The following FARS2 variants were observed in gnomAD, a reference collection of about 807,000 sequenced individuals.
FARS2 encodes the protein phenylalanine--tRNA ligase, mitochondrial.
A neutral mutation model predicts 46.4 loss-of-function variants in FARS2; 40 were observed. The observed-to-expected ratio is 0.86, with a 90% CI of 0.67 to 1.12. The LOEUF (loss-of-function observed/expected upper bound fraction) is 1.12. Ranked by LOEUF, FARS2 falls within the 50% of genes most tolerant of loss-of-function variation. FARS2 has a pLI of 0.00. For synonymous variants in FARS2, 234 were observed against 214.9 expected (o/e 1.09, Z -0.78); for missense variants, 513 against 567.9 (o/e 0.90, Z 0.98).
At chr6:5,303,418 A>C (rs1007444366) in intron 1 of FARS2, among the ~76,000 whole-genome samples, 1 of 152,166 alleles carries the variant, frequency 6.6e-6, no homozygotes, top group African/African-American at 2.4e-5. Flanking sequence ...CGTGGGGCTA[A>C]ATGGCCCCAA....
chr6:5,543,260 G>A (rs1027342928), intron 4 of FARS2, among the ~76,000 whole-genome samples: 1 of 151,970 alleles, frequency 6.6e-6, no homozygotes, highest in Admixed American at 6.6e-5. Flanking sequence ...TTATAATGAA[G>A]CCTTTTCCCT....
At chr6:5,674,031 C>G (rs1778621976) in intron 6 of FARS2, among the ~76,000 whole-genome samples, 1 of 151,792 alleles carries the variant, frequency 6.6e-6, no homozygotes, top group South Asian at 2.1e-4. Flanking sequence ...CAACCAAATA[C>G]TAGCCAAAAT....
intron 4 of FARS2, among the ~76,000 whole-genome samples, chr6:5,538,881 A>G (rs766915379): frequency 6.6e-6 from 1 of 152,154 alleles, no homozygotes; most frequent in African/African-American, 2.4e-5. Flanking sequence ...TTTTATTAGG[A>G]TGATTATGCG....
chr6:5,357,014 G>A (rs944419899), intron 1 of FARS2, among the ~76,000 whole-genome samples: 5 of 151,674 alleles, frequency 3.3e-5, no homozygotes, highest in African/African-American at 7.3e-5. Flanking sequence ...ATGGAACTCC[G>A]ATATGTAGGC....
At chr6:5,732,457 G>C (rs1294627190) in intron 6 of FARS2, among the ~76,000 whole-genome samples, 1 of 152,172 alleles carries the variant, frequency 6.6e-6, no homozygotes, top group Admixed American at 6.5e-5. Context: ...CATCTCTGTA[G>C]CTCCTCTCCC....
chr6:5,631,456 T>A (rs1022102785), intron 6 of FARS2, among the ~76,000 whole-genome samples: 2 of 152,188 alleles, frequency 1.3e-5, no homozygotes, highest in African/African-American at 2.4e-5. Context: ...TAATAGTTAA[T>A]AGAAAAACAA....
intron 3 of FARS2, among the ~76,000 whole-genome samples, chr6:5,408,870 G>T (rs1761771131): frequency 6.6e-6 from 1 of 152,140 alleles, no homozygotes; most frequent in Admixed American, 6.6e-5. Flanking sequence ...AGCCTTATTG[G>T]TGCTGATGGT....
intron 6 of FARS2, among the ~76,000 whole-genome samples, chr6:5,614,987 A>G (rs1337174764): frequency 6.6e-6 from 1 of 152,204 alleles, no homozygotes; most frequent in Non-Finnish European, 1.5e-5. Context: ...TTAATTTCAT[A>G]TAAAGAAATC....
chr6:5,261,758 G>A (rs1322292300), intron 1 of FARS2, 98 bp downstream of exon 1: 1 of 152,316 alleles, frequency 6.6e-6, no homozygotes, highest in Non-Finnish European at 1.5e-5. Context: ...TTCCGGATGT[G>A]TTTTTGCTTT....
chr6:5,264,698 C>T (rs904969008), intron 1 of FARS2, among the ~76,000 whole-genome samples: 4 of 151,896 alleles, frequency 2.6e-5, no homozygotes, highest in Non-Finnish European at 2.9e-5. Flanking sequence ...TGAGCCACCG[C>T]GCCCGGCCCA....
At chr6:5,528,004 G>A (rs1769576433) in intron 4 of FARS2, among the ~76,000 whole-genome samples, 1 of 152,172 alleles carries the variant, frequency 6.6e-6, no homozygotes, top group East Asian at 1.9e-4. Flanking sequence ...TAGATCATAT[G>A]CAAGTCAGTA....
intron 4 of FARS2, among the ~76,000 whole-genome samples, chr6:5,475,272 G>C (rs1319746774): frequency 1.3e-5 from 2 of 152,202 alleles, no homozygotes; most frequent in Non-Finnish European, 2.9e-5. Context: ...GGATATGCAG[G>C]CTTGAAGAGA....
chr6:5,610,192 TAG>T, intron 5 of FARS2: 1 of 721,022 alleles, frequency 1.4e-6, no homozygotes, highest in Non-Finnish European at 2.4e-6. Context: ...GACTCTGACT[TAG>T]ACAGGACGGC....
chr6:5,439,765 C>A (rs574131796), intron 4 of FARS2, among the ~76,000 whole-genome samples: 2 of 152,320 alleles, frequency 1.3e-5, no homozygotes, highest in Admixed American at 6.5e-5. Flanking sequence ...AAGCCTGGTA[C>A]ATTTTTGAGG....
chr6:5,415,315 T>TTC (rs1554182476), intron 3 of FARS2, among the ~76,000 whole-genome samples: 2 of 129,634 alleles, frequency 1.5e-5, no homozygotes, highest in Non-Finnish European at 3.3e-5. Context: ...CTTTTCTTTT[T>TTC]TTTTTTTTTT....
chr6:5,384,594 C>T (rs1161948567), intron 2 of FARS2, among the ~76,000 whole-genome samples: 1 of 152,194 alleles, frequency 6.6e-6, no homozygotes, highest in Non-Finnish European at 1.5e-5. Context: ...CTTGAGTTTT[C>T]TGTCATGGAG....
chr6:5,373,822 A>G (rs1759210976), intron 2 of FARS2, among the ~76,000 whole-genome samples: 2 of 152,060 alleles, frequency 1.3e-5, no homozygotes, highest in Non-Finnish European at 2.9e-5. Context: ...ATTTCTTCAA[A>G]TGATTGCAAG....
chr6:5,593,144 G>C (rs1254170961), intron 5 of FARS2, among the ~76,000 whole-genome samples: 1 of 152,172 alleles, frequency 6.6e-6, no homozygotes, highest in Non-Finnish European at 1.5e-5. Flanking sequence ...GCAGCACACA[G>C]AACAAGTGAG....
At chr6:5,516,824 C>T (rs1183234697) in intron 4 of FARS2, among the ~76,000 whole-genome samples, 1 of 152,172 alleles carries the variant, frequency 6.6e-6, no homozygotes, top group Non-Finnish European at 1.5e-5. Context: ...GGAACCCCCC[C>T]AATTTAAGTT....
Sources: gnomAD v4.1 joint callset for allele counts (sites outside exome capture counted in the v4.1 genomes callset) on GRCh38, gnomAD v4.1.1 for gene constraint, MANE v1.5 for transcripts, NCBI Gene and HGNC (gene_info 2026-07-23, HGNC 2026-07-21) for gene names.